Variants in SIPA1L1 observed in about 807,000 individuals in gnomAD.
The protein encoded by SIPA1L1 is signal-induced proliferation-associated 1-like protein 1.
Under a neutral mutation model 162.7 loss-of-function variants are expected in SIPA1L1, and 26 were observed. The ratio of observed to expected loss-of-function variants is 0.16; its 90% confidence interval spans 0.12 to 0.22. SIPA1L1 has a LOEUF of 0.22. SIPA1L1 is among the 10% of genes least tolerant of loss of function. The pLI is 1.00. For synonymous variants in SIPA1L1, 829 were observed against 837.4 expected (o/e 0.99, Z 0.17); for missense variants, 1,874 against 2,241.0 (o/e 0.84, Z 3.31).
At chr14:71,611,423 CT>C (rs879602089) in intron 5 of SIPA1L1, among the ~76,000 whole-genome samples, 207 of 147,980 alleles carry the variant, frequency 1.4e-3, no homozygotes, top group Non-Finnish European at 2.4e-3. Context: ...ATGTTATGTT[CT>C]AGGATACATG....
At chr14:71,456,171 C>G (rs1278958047) in intron 2 of SIPA1L1, among the ~76,000 whole-genome samples, 1 of 152,166 alleles carries the variant, frequency 6.6e-6, no homozygotes, top group Admixed American at 6.5e-5. Flanking sequence ...AACAACATCT[C>G]AAGTTGTTGT....
At chr14:71,482,282 A>G (rs1337454181) in intron 2 of SIPA1L1, among the ~76,000 whole-genome samples, 1 of 152,174 alleles carries the variant, frequency 6.6e-6, no homozygotes, top group Non-Finnish European at 1.5e-5. Context: ...TAGCTATAAG[A>G]TCCCCTAGTT....
intron 5 of SIPA1L1, among the ~76,000 whole-genome samples, chr14:71,612,352 C>T (rs1180116801): frequency 6.6e-6 from 1 of 152,006 alleles, no homozygotes; most frequent in East Asian, 1.9e-4. Flanking sequence ...ATTTCAGAAA[C>T]ATTGTTTTTT....
At chr14:71,541,878 G>T (rs1452652773) in intron 4 of SIPA1L1, among the ~76,000 whole-genome samples, 1 of 152,082 alleles carries the variant, frequency 6.6e-6, no homozygotes, top group Admixed American at 6.6e-5. Flanking sequence ...GATAAGTATT[G>T]TAGCCATTGC....
chr14:71,500,533 A>T (rs540483297), intron 2 of SIPA1L1, among the ~76,000 whole-genome samples: 62 of 152,340 alleles, frequency 4.1e-4, no homozygotes, highest in African/African-American at 1.5e-3. Flanking sequence ...ATAAATTGCA[A>T]CTTATACACC....
At position 71,688,067 on chromosome 14, in the gene SIPA1L1, G is replaced by A. The variant is rs550461385; in HGVS notation, c.3374+2436G>A. ...GAAATATATGGTAATTAATTGGATG[G>A]ATATTCTTCTTTTATGAAAATTTAA... On this transcript the variant is annotated intron_variant, in intron 13 of 23. Coordinates refer to ENST00000381232, the MANE Select transcript of SIPA1L1 (RefSeq NM_001386936.1). Among the ~76,000 whole-genome samples the A allele has an allele frequency of 2.6e-4, 40 of 152,172 alleles. 1 individual carries two copies. In the South Asian group the frequency reaches 8.3e-3, roughly 32 times the overall value.
intron 19 of SIPA1L1, among the ~76,000 whole-genome samples, chr14:71,729,395 C>A (rs560712017): frequency 6.6e-6 from 1 of 152,340 alleles, no homozygotes; most frequent in Admixed American, 6.5e-5. Flanking sequence ...TTCTCCAAAA[C>A]TCATGAAATT....
At chr14:71,482,981 T>G (rs530937037) in intron 2 of SIPA1L1, among the ~76,000 whole-genome samples, 1 of 148,226 alleles carries the variant, frequency 6.7e-6, no homozygotes, top group South Asian at 2.1e-4. Flanking sequence ...TTGGGTGGTA[T>G]TCTTCTTTTT....
intron 2 of SIPA1L1, among the ~76,000 whole-genome samples, chr14:71,436,428 T>C (rs2044382924): frequency 6.6e-6 from 1 of 152,204 alleles, no homozygotes; most frequent in African/African-American, 2.4e-5. Context: ...CAATTTGGGA[T>C]TTATTTTAAT....
intron 2 of SIPA1L1, among the ~76,000 whole-genome samples, chr14:71,431,420 G>T (rs1167188529): frequency 6.6e-6 from 1 of 152,128 alleles, no homozygotes; most frequent in Non-Finnish European, 1.5e-5. Flanking sequence ...GAGGCTGGGT[G>T]TGGTGGCTCT....
chr14:71,588,626 G>A lies in SIPA1L1; in HGVS notation c.754G>A (p.Gly252Ser), dbSNP rs745962499. Residue 252 changes from glycine (G) to serine (S), a missense_variant, in exon 5 of 24, where the codon GGC (glycine) becomes AGC (serine). By Grantham distance (56) the Gly-to-Ser change is moderately conservative. Transcript: ENST00000381232. This position sits in a 1 kb window ranked among gnomAD's most constrained non-coding sequence, Gnocchi z 4.3. ...CAGTGACTTTCTCATTACTGGTGGT[G>A]GCAAGGGTTCTGGTTTCTCTTTGGA... is the stretch of plus-strand genomic sequence containing the variant. ...KLSDFLITGGGKGSGFSLDVI... is the reference protein window; with the variant it reads ...KLSDFLITGGSKGSGFSLDVI... 8 of 1,613,972 alleles carry A rather than the reference G, an allele frequency of 5.0e-6. 1 individual carries two copies. Among genetic ancestry groups the A allele is most frequent in the South Asian group, 4.4e-5 (4 of 91,084 alleles).
chr14:71,550,215 A>T (rs2055682310), intron 4 of SIPA1L1, among the ~76,000 whole-genome samples: 1 of 152,098 alleles, frequency 6.6e-6, no homozygotes, highest in African/African-American at 2.4e-5. Flanking sequence ...ACGCTGCTGC[A>T]CTCCAGCCTG....
chr14:71,559,595 C>T (rs1362908905), intron 4 of SIPA1L1, among the ~76,000 whole-genome samples: 1 of 152,046 alleles, frequency 6.6e-6, no homozygotes, highest in Non-Finnish European at 1.5e-5. Flanking sequence ...TTTTCTTTAC[C>T]TGCCAAATAA....
At position 71,650,901 on chromosome 14, in the gene SIPA1L1, T is replaced by C. The variant is rs901053302; in HGVS notation, c.1993+392T>C. On this transcript the variant is annotated intron_variant, in intron 8 of 23. Coordinates refer to ENST00000381232, the MANE Select transcript of SIPA1L1 (RefSeq NM_001386936.1). ...ACTTCCATTAATTCATTTCATAGTC[T>C]TCATGTTTATCTATGTAGTCAGCCT... is the stretch of plus-strand genomic sequence containing the variant. Among the ~76,000 whole-genome samples, 3 of 152,308 alleles carry C rather than the reference T, an allele frequency of 2.0e-5. No individual in the cohort carries two copies. The South Asian group carries it at 6.2e-4, about 32-fold the overall frequency.
At chr14:71,403,325 C>T (rs946415241) in intron 2 of SIPA1L1, among the ~76,000 whole-genome samples, 3 of 151,928 alleles carry the variant, frequency 2.0e-5, no homozygotes, top group South Asian at 2.1e-4. Context: ...CTTGGCCTGG[C>T]GCGGTGGCTC....
At chr14:71,657,582 G>A (rs1479145645) in intron 8 of SIPA1L1, among the ~76,000 whole-genome samples, 1 of 151,666 alleles carries the variant, frequency 6.6e-6, no homozygotes, top group African/African-American at 2.4e-5. Flanking sequence ...TAAGGAAAGT[G>A]AGAACACAAC....
intron 3 of SIPA1L1, among the ~76,000 whole-genome samples, chr14:71,524,437 T>C (rs892406420): frequency 6.6e-6 from 1 of 152,232 alleles, no homozygotes; most frequent in Non-Finnish European, 1.5e-5. Context: ...TCGGGAAACA[T>C]TACCATGGTT....
chr14:71,403,903 G>T (rs2041858070), intron 2 of SIPA1L1, among the ~76,000 whole-genome samples: 1 of 152,060 alleles, frequency 6.6e-6, no homozygotes, highest in Non-Finnish European at 1.5e-5. Flanking sequence ...GCCACCTGGT[G>T]CCTTGCCTCT....
intron 2 of SIPA1L1, among the ~76,000 whole-genome samples, chr14:71,368,172 T>A (rs1436819119): frequency 3.9e-4 from 58 of 147,338 alleles, no homozygotes; most frequent in East Asian, 1.2e-3. Flanking sequence ...TTTTTTTTTT[T>A]ATTATACTTT....
Sources: allele counts gnomAD v4.1 joint callset (sites outside exome capture counted in the v4.1 genomes callset), GRCh38; gene constraint gnomAD v4.1.1; non-coding constraint Gnocchi (gnomAD v3.1); transcripts MANE v1.5; gene names NCBI Gene and HGNC (gene_info 2026-07-23, HGNC 2026-07-21).